The following SOS1 variants were observed in gnomAD, a reference collection of about 807,000 sequenced individuals.
SOS1 encodes son of sevenless homolog 1.
A neutral mutation model predicts 157.6 loss-of-function variants in SOS1; 25 were observed. That is an observed-to-expected ratio of 0.16 (90% CI 0.12 to 0.22). The LOEUF is 0.22. Ranked by LOEUF, SOS1 falls within the 10% of genes least tolerant of loss-of-function variation. The pLI is 1.00. For synonymous variants in SOS1, 528 were observed against 534.0 expected (o/e 0.99, Z 0.16); for missense variants, 1,237 against 1,599.1 (o/e 0.77, Z 3.86).
intron 1 of SOS1, among the ~76,000 whole-genome samples, chr2:39,075,158 G>T (rs567883721): frequency 3.9e-5 from 6 of 152,276 alleles, no homozygotes; most frequent in Non-Finnish European, 7.4e-5. Context: ...TGATGCCACA[G>T]GCTCCATAAG....
At position 39,081,418 on chromosome 2, in the gene SOS1, G is replaced by C. The variant is rs1572878331; in HGVS notation, c.88-13665C>G. On this transcript the variant is annotated intron_variant, in intron 1 of 22. Coordinates refer to ENST00000402219, the MANE Select transcript of SOS1 (RefSeq NM_005633.4). ...AGCTGTAATGCCAGCTTCTGGGGAG[G>C]CTGAGGCAGGAGAATCACTTGAACC... Among the ~76,000 whole-genome samples, 3 of 151,958 alleles carry C rather than the reference G, an allele frequency of 2.0e-5. No homozygotes were observed. The East Asian group carries it at 5.8e-4, about 29-fold the overall frequency.
In SOS1 at chr2:39,023,100, T is replaced by G; in HGVS notation, c.1328A>C (p.Glu443Ala). Residue 443 changes from glutamate to alanine, a missense_variant, in exon 10 of 23, where the codon GAA (glutamate) becomes GCA (alanine). Coordinates refer to ENST00000402219, the MANE Select transcript of SOS1 (RefSeq NM_005633.4). Reference protein sequence around the residue: ...EGKDIGQCCNEFIMEGTLTRV... With the variant: ...EGKDIGQCCNAFIMEGTLTRV... ...TGTAAGAGTTCCTTCCATTATAAATTCATTACAACACTGTCCAATGTCTTT... is the reference window on the plus strand; with the variant it reads ...TGTAAGAGTTCCTTCCATTATAAATGCATTACAACACTGTCCAATGTCTTT... The G allele has an allele frequency of 6.2e-7, 1 of 1,613,638 alleles. No homozygotes were observed. The highest frequency in any genetic ancestry group is 8.5e-7 in the Non-Finnish European group (1 of 1,179,650).
chr2:38,986,376 T>C (rs1201251534), intron 22 of SOS1, 61 bp from the exon 23 acceptor site: 14 of 1,450,938 alleles, frequency 9.6e-6, no homozygotes, highest in Non-Finnish European at 1.3e-5. Context: ...ATCATGACTA[T>C]AAGAATTAAG....
chr2:39,057,922 G>C (rs1558492977), intron 3 of SOS1, among the ~76,000 whole-genome samples: 1 of 151,884 alleles, frequency 6.6e-6, no homozygotes, highest in Non-Finnish European at 1.5e-5. Flanking sequence ...TGTGAACTTG[G>C]CATAGAAGTT....
chr2:39,045,871 G>A (rs1411900046), intron 6 of SOS1, among the ~76,000 whole-genome samples: 1 of 151,950 alleles, frequency 6.6e-6, no homozygotes, highest in Non-Finnish European at 1.5e-5. Context: ...ACCATGCCCA[G>A]CTAATTTTTG....
chr2:38,987,493 C>G lies in SOS1; in HGVS notation c.3490G>C (p.Ala1164Pro), dbSNP rs749546068. The G allele has an allele frequency of 6.3e-7, 1 of 1,584,926 alleles. No homozygotes were observed. Among genetic ancestry groups the G allele is most frequent in the East Asian group, 2.2e-5 (1 of 44,598 alleles). ...TTTACCTTAGATGGTGAAGATTCTG[C>G]TGGGGCAGATTCTGGTCGTCTTCGT... ...PPRRRPESAP[A>P]ESSPSKIMSK... The change falls in exon 22 of 23, where the codon GCA becomes CCA. Residue 1164 changes from alanine (A) to proline (P), a missense_variant. By Grantham distance (27) the Ala-to-Pro change is conservative. This residue lies in a region of SOS1 where 306 missense variants were observed against 322.6 expected (regional missense o/e 0.95). Coordinates refer to ENST00000402219, the MANE Select transcript of SOS1 (RefSeq NM_005633.4).
intron 1 of SOS1, among the ~76,000 whole-genome samples, chr2:39,115,699 A>C (rs766718078): frequency 2.8e-4 from 42 of 152,200 alleles, no homozygotes; most frequent in Non-Finnish European, 4.1e-4. Context: ...TGGCCTCCTA[A>C]AGTGCTGGGA....
intron 2 of SOS1, among the ~76,000 whole-genome samples, chr2:39,065,718 CTACT>C (rs1392147749): frequency 1.3e-5 from 2 of 152,178 alleles, no homozygotes; most frequent in African/African-American, 2.4e-5. Context: ...CTTGGCTTCA[CTACT>C]TAATAACTTG....
At chr2:39,082,807 T>G (rs2148172920) in intron 1 of SOS1, 1 of 152,282 alleles carries the variant, frequency 6.6e-6, no homozygotes, top group South Asian at 2.1e-4. Flanking sequence ...ACCTCTAAAT[T>G]TAACGTTTTA....
intron 1 of SOS1, among the ~76,000 whole-genome samples, chr2:39,082,966 G>A (rs1260671357): frequency 6.6e-6 from 1 of 152,134 alleles, no homozygotes; most frequent in African/African-American, 2.4e-5. Flanking sequence ...TATTAGTAAG[G>A]CTTTGGGGAG....
intron 10 of SOS1, among the ~76,000 whole-genome samples, chr2:39,015,316 A>T (rs116130472): frequency 1.1e-3 from 166 of 152,060 alleles, no homozygotes; most frequent in African/African-American, 3.8e-3. Flanking sequence ...TGCAACTGGA[A>T]ATTGGAACTT....
intron 2 of SOS1, among the ~76,000 whole-genome samples, chr2:39,060,164 C>T (rs982333681): frequency 2.0e-5 from 3 of 152,172 alleles, no homozygotes; most frequent in Non-Finnish European, 2.9e-5. Flanking sequence ...GACTAACTTA[C>T]GTGGTTTTCA....
chr2:39,017,893 A>T (rs1467267538), intron 10 of SOS1, among the ~76,000 whole-genome samples: 1 of 151,976 alleles, frequency 6.6e-6, no homozygotes, highest in African/African-American at 2.4e-5. Context: ...TAACCACTGG[A>T]GACGTTTATC....
intron 1 of SOS1, among the ~76,000 whole-genome samples, chr2:39,112,584 G>T (rs2148227613): frequency 6.6e-6 from 1 of 152,250 alleles, no homozygotes; most frequent in Non-Finnish European, 1.5e-5. Flanking sequence ...TTGCAGGCAT[G>T]AGCCACCGCA....
intron 1 of SOS1, among the ~76,000 whole-genome samples, chr2:39,108,807 T>C (rs6544199): frequency 0.97 from 146,977 of 152,098 alleles, 71,211 homozygotes; most frequent in East Asian, 1. Context: ...GTGCAAAAAT[T>C]GCTTGAGCCT....
At chr2:39,087,663 A>C (rs1049393297) in intron 1 of SOS1, among the ~76,000 whole-genome samples, 1 of 152,202 alleles carries the variant, frequency 6.6e-6, no homozygotes, top group Non-Finnish European at 1.5e-5. Flanking sequence ...ATCACATATC[A>C]GAAAGTGCTT....
intron 1 of SOS1, among the ~76,000 whole-genome samples, chr2:39,110,424 T>C (rs548612379): frequency 7.2e-6 from 1 of 139,100 alleles, no homozygotes; most frequent in East Asian, 2.1e-4. Flanking sequence ...CATATATACA[T>C]ACACACGAAT....
chr2:39,096,033 T>C (rs1453551001), intron 1 of SOS1, among the ~76,000 whole-genome samples: 1 of 152,148 alleles, frequency 6.6e-6, no homozygotes, highest in African/African-American at 2.4e-5. Flanking sequence ...ACACAGATCA[T>C]CTAATTTAGA....
intron 1 of SOS1, among the ~76,000 whole-genome samples, chr2:39,105,461 G>T (rs971383325): frequency 3.3e-5 from 5 of 151,672 alleles, no homozygotes; most frequent in African/African-American, 1.2e-4. Context: ...ATTTACAGTT[G>T]GGCTGCTTAA....
Sources: allele counts gnomAD v4.1 joint callset (sites outside exome capture counted in the v4.1 genomes callset), GRCh38; gene constraint gnomAD v4.1.1; regional missense constraint gnomAD v4.1.1; transcripts MANE v1.5; gene names NCBI Gene and HGNC (gene_info 2026-07-23, HGNC 2026-07-21).